The following LRRC71 variants were observed in gnomAD, a reference collection of about 807,000 sequenced individuals.
The protein encoded by LRRC71 is leucine-rich repeat-containing protein 71.
Under a neutral mutation model 66.6 loss-of-function variants are expected in LRRC71, and 54 were observed. The ratio of observed to expected loss-of-function variants is 0.81; its 90% CI spans 0.65 to 1.02. The LOEUF is 1.02. Among genes scored for constraint, LRRC71 ranks in the 50% least tolerant of loss-of-function variants. The pLI is 0.00. For synonymous variants in LRRC71, 323 were observed against 303.9 expected, an observed-to-expected ratio of 1.06 and a Z score of -0.65; for missense variants, 724 against 718.0, an observed-to-expected ratio of 1.01 and a Z score of -0.10.
rs1428918712 is a variant in LRRC71, at chr1:156,924,306, G to A, written c.311-118G>A. On this transcript the variant is annotated intron_variant, in intron 2 of 14. Transcript: ENST00000337428. ...GCGAGTGGCCGGAGAGGCAGAGTCC[G>A]CAGGCCGGCGCCTCCCCTCTGGCGG... 5.7e-6 allele frequency: 8 copies of A among 1,406,988 alleles called. No homozygotes were observed. The East Asian group carries it at 1.0e-4, about 18-fold the overall frequency. The allele number at this position is 1,406,988 out of a possible 1,614,324, so 87.2% of individuals were successfully genotyped here.
Position 156,933,063 on chromosome 1 carries a change from A to G in LRRC71, c.*94A>G, listed in dbSNP as rs1366249003. 3.6e-6 allele frequency: 3 copies of G among 825,270 alleles called. No individual in the cohort carries two copies. Among genetic ancestry groups the G allele is most frequent in the East Asian group, 5.4e-5 (2 of 36,800 alleles). 51.1% of individuals were successfully genotyped at this position (825,270 alleles called of 1,614,324 possible). ...CCTCCCTGGGGGAGATCTCAGACCA[A>G]TAACAAAGTCTGTTGCTATACTTTT... On this transcript the variant is annotated 3_prime_UTR_variant, in exon 15 of 15. Transcript: ENST00000337428.
downstream of LRRC71, among the ~76,000 whole-genome samples, chr1:156,934,482 GACCTCTTGACTC>G (rs1235751552): frequency 1.3e-5 from 2 of 152,032 alleles, no homozygotes; most frequent in African/African-American, 2.4e-5. Context: ...CAGCTCATGA[GACCTCTTGACTC>G]TGGGTCCACT....
chr1:156,939,496 C>T, the LRRC71 span: 1 of 1,600,664 alleles, frequency 6.2e-7, no homozygotes, highest in Non-Finnish European at 8.5e-7. Context: ...GAAGACTTAT[C>T]TCACCTAGCA....
downstream of LRRC71, chr1:156,937,092 G>A (rs1655569349): frequency 6.4e-7 from 1 of 1,568,424 alleles, no homozygotes; most frequent in Admixed American, 1.8e-5. Flanking sequence ...CCTTGGGGAG[G>A]AGGGTGTGAT....
At chr1:156,936,029 C>T, downstream of LRRC71, 1 of 1,613,938 alleles carries the variant, frequency 6.2e-7, no homozygotes, top group Non-Finnish European at 8.5e-7. Context: ...GCTGCGTCTG[C>T]TGTGCTGTCT....
At chr1:156,924,826 G>T (rs1298728102) in intron 4 of LRRC71, 108 bp downstream of exon 4, 2 of 1,498,722 alleles carry the variant, frequency 1.3e-6, no homozygotes, top group Non-Finnish European at 9.1e-7. Context: ...ACGGTGGGGA[G>T]GTCGGGGGTG....
chr1:156,932,307 G>C (rs1654496979), intron 13 of LRRC71, 117 bp from the exon 14 acceptor site: 1 of 809,848 alleles, frequency 1.2e-6, no homozygotes. Context: ...AGGTGTGCCT[G>C]GGCCAGTGAG....
At chr1:156,928,466 TCTC>T (rs556540111) in intron 9 of LRRC71, among the ~76,000 whole-genome samples, 10 of 138,024 alleles carry the variant, frequency 7.2e-5, no homozygotes, top group Admixed American at 1.5e-4. Context: ...TTCTCCTTCT[TCTC>T]TTCTTCCTCT....
Position 156,929,728 on chromosome 1 carries a change from G to A in LRRC71, c.1239G>A (p.Gly413=), listed in dbSNP as rs1207087738. 2 of 1,560,586 alleles carry A rather than the reference G, an allele frequency of 1.3e-6. No homozygotes were observed. The highest frequency in any genetic ancestry group is 1.9e-5 in the Admixed American group (1 of 51,998). ...AAGATGCCACAAAGGCAGGCAAGGG[G>A]AGTAAGTGCGGGTGCCCCTGGGTGG... ...KKEDATKAGK[G]KVTIPEQKPS... is the part of the protein sequence containing the mutation. Residue 413 remains glycine (G), a splice_region_variant and synonymous_variant, in exon 11 of 15, where the codon GGG becomes GGA. Coordinates refer to ENST00000337428, the MANE Select transcript of LRRC71 (RefSeq NM_144702.3).
At chr1:156,929,212 C>T (rs1342761650) in intron 9 of LRRC71, 68 bp from the exon 10 acceptor site, 3 of 1,532,496 alleles carry the variant, frequency 2.0e-6, no homozygotes, top group East Asian at 2.4e-5. Flanking sequence ...GGTATAGCTA[C>T]CTTTCATGCC....
intron 5 of LRRC71, 60 bp downstream of exon 5, chr1:156,925,075 G>C: frequency 1.3e-6 from 2 of 1,490,072 alleles, no homozygotes; most frequent in Non-Finnish European, 1.8e-6. Context: ...TGGTCAGAGG[G>C]GAGCAGTGTG....
intron 1 of LRRC71, among the ~76,000 whole-genome samples, chr1:156,922,444 C>T (rs539027432): frequency 1.1e-4 from 16 of 152,122 alleles, no homozygotes; most frequent in Non-Finnish European, 2.1e-4. Flanking sequence ...GGCTCGTGTC[C>T]GGTAGAGAGT....
downstream of LRRC71, among the ~76,000 whole-genome samples, chr1:156,934,175 C>G (rs1227581875): frequency 3.3e-5 from 5 of 152,222 alleles, no homozygotes; most frequent in East Asian, 7.7e-4. Context: ...CTTTATCCCA[C>G]CCTTCATCAC....
chr1:156,934,030 T>C (rs1654701570), downstream of LRRC71, among the ~76,000 whole-genome samples: 1 of 152,202 alleles, frequency 6.6e-6, no homozygotes, highest in African/African-American at 2.4e-5. Context: ...TGGAGCCAGC[T>C]TCACCAGGGA....
chr1:156,928,563 CT>C (rs58180096), intron 9 of LRRC71, among the ~76,000 whole-genome samples: 9,348 of 80,110 alleles, frequency 0.12, 224 homozygotes, highest in East Asian at 0.26. Context: ...CTTCTTCTTA[CT>C]TTTTTTTTTT....
At chr1:156,933,349 A>G (rs1654656220), downstream of LRRC71, among the ~76,000 whole-genome samples, 1 of 152,134 alleles carries the variant, frequency 6.6e-6, no homozygotes, top group African/African-American at 2.4e-5. Context: ...TTGCATTCAG[A>G]AGGATTTGGG....
At chr1:156,929,209 C>T (rs1653889154) in intron 9 of LRRC71, 71 bp from the exon 10 acceptor site, 4 of 1,527,164 alleles carry the variant, frequency 2.6e-6, no homozygotes, top group South Asian at 1.2e-5. Flanking sequence ...ATGGGTATAG[C>T]TACCTTTCAT....
intron 10 of LRRC71, 48 bp downstream of exon 10, chr1:156,929,477 G>T: frequency 6.2e-7 from 1 of 1,611,672 alleles, no homozygotes; most frequent in South Asian, 1.1e-5. Flanking sequence ...GACAGGGGAG[G>T]GGGCTTCCAT....
At chr1:156,930,375 G>A (rs1293222538) in intron 11 of LRRC71, among the ~76,000 whole-genome samples, 154 bp from the exon 12 acceptor site, 1 of 151,326 alleles carries the variant, frequency 6.6e-6, no homozygotes. Context: ...TTACAGGTGT[G>A]AGCTACAGCG....
Sources: allele counts gnomAD v4.1 joint callset (sites outside exome capture counted in the v4.1 genomes callset), GRCh38; gene constraint gnomAD v4.1.1; transcripts MANE v1.5; gene names NCBI Gene and HGNC (gene_info 2026-07-23, HGNC 2026-07-21).